PTPRN2: variants seen among roughly 807,000 people sequenced by gnomAD.
PTPRN2 encodes the protein protein tyrosine phosphatase receptor type N2.
A neutral mutation model predicts 118.8 loss-of-function variants in PTPRN2; 74 were observed. The observed-to-expected ratio is 0.62, with a 90% CI of 0.52 to 0.76. The LOEUF is 0.76. Ranked by LOEUF, PTPRN2 falls within the 30% of genes least tolerant of loss-of-function variation. The pLI, the probability that PTPRN2 is intolerant of heterozygous loss-of-function variation, is 0.00. For synonymous variants in PTPRN2, 641 were observed against 608.0 expected (o/e 1.05, Z -0.80); for missense variants, 1,481 against 1,394.4 (o/e 1.06, Z -0.99).
At chr7:158,152,031 G>T (rs973377580) in intron 6 of PTPRN2, among the ~76,000 whole-genome samples, 162 of 152,132 alleles carry the variant, frequency 1.1e-3, no homozygotes, top group African/African-American at 3.5e-3. Flanking sequence ...AAAATTAGCC[G>T]GGCGTGGTGG....
rs1802255244 is a variant in PTPRN2 at position 157,610,304 on chromosome 7, G to A, written c.2345-6229C>T. Among the ~76,000 whole-genome samples, 1 of 152,214 alleles carries A rather than the reference G, an allele frequency of 6.6e-6. No homozygotes were observed. Among genetic ancestry groups the A allele is most frequent in the Non-Finnish European group, 1.5e-5 (1 of 68,046 alleles). ...GGTTCCTTCCACTCAGGGGTCTCAG[G>A]TGTTCTCTCGGGCTCTCCAACTGCC... On this transcript the variant is annotated intron_variant, in intron 15 of 22. Transcript: ENST00000389418. The surrounding 1 kb of genome is among the most constrained non-coding windows in gnomAD (Gnocchi z 5.1).
At chr7:157,688,980 C>T (rs1409719888) in intron 12 of PTPRN2, among the ~76,000 whole-genome samples, 1 of 152,196 alleles carries the variant, frequency 6.6e-6, no homozygotes, top group Non-Finnish European at 1.5e-5. Flanking sequence ...GCGGAGGGTG[C>T]TGCGGCCCAG....
intron 13 of PTPRN2, among the ~76,000 whole-genome samples, chr7:157,664,947 C>G (rs1796064860): frequency 6.6e-6 from 1 of 152,246 alleles, no homozygotes; most frequent in Non-Finnish European, 1.5e-5. Context: ...TCACCCGGAA[C>G]AAAACTCTCC....
Position 157,787,172 on chromosome 7 carries a change from C to T in PTPRN2, c.1789-104235G>A, listed in dbSNP as rs1397472800. The stretch of plus-strand genomic sequence containing the variant: ...AGGCGGACGCGGGTGCGGCGGGGGA[C>T]GCGGGGGTGGCTGCCCGGGACTGGC... On this transcript the variant is annotated intron_variant, in intron 12 of 22. Coordinates refer to ENST00000389418, the MANE Select transcript of PTPRN2 (RefSeq NM_002847.5). The surrounding 1 kb of genome is among the most constrained non-coding windows in gnomAD (Gnocchi z 5.3). Among the ~76,000 whole-genome samples, 7 of 147,352 alleles carry T rather than the reference C, an allele frequency of 4.8e-5. No homozygotes were observed. Among genetic ancestry groups the T allele is most frequent in the Non-Finnish European group, 7.5e-5 (5 of 66,296 alleles).
At chr7:157,718,051 C>G (rs1467229488) in intron 12 of PTPRN2, among the ~76,000 whole-genome samples, 1 of 152,234 alleles carries the variant, frequency 6.6e-6, no homozygotes, top group African/African-American at 2.4e-5. Context: ...CTTCGTTTTT[C>G]TGTGAGTGGT....
chr7:157,655,433 C>G (rs985254229), intron 14 of PTPRN2, among the ~76,000 whole-genome samples: 1 of 152,162 alleles, frequency 6.6e-6, no homozygotes, highest in African/African-American at 2.4e-5. Context: ...TTTTTGTGGT[C>G]CAGATCCACC....
chr7:158,037,844 T>C (rs1808193130), intron 11 of PTPRN2, among the ~76,000 whole-genome samples: 1 of 152,236 alleles, frequency 6.6e-6, no homozygotes, highest in Admixed American at 6.5e-5. Context: ...CAATTCACCT[T>C]GTCAGAAAGA....
intron 2 of PTPRN2, among the ~76,000 whole-genome samples, chr7:158,317,448 G>T (rs1400172284): frequency 6.6e-6 from 1 of 152,222 alleles, no homozygotes; most frequent in East Asian, 1.9e-4. Context: ...GGAGAGGCGC[G>T]GGGCTGGCGA....
intron 12 of PTPRN2, among the ~76,000 whole-genome samples, chr7:157,686,109 G>C (rs1413846200): frequency 6.6e-6 from 1 of 152,224 alleles, no homozygotes; most frequent in Non-Finnish European, 1.5e-5. Context: ...AGGGCGGGAC[G>C]CTGGACAGAG....
At chr7:157,774,801 G>T (rs1255385818) in intron 12 of PTPRN2, among the ~76,000 whole-genome samples, 1 of 152,202 alleles carries the variant, frequency 6.6e-6, no homozygotes, top group Admixed American at 6.5e-5. Flanking sequence ...GGACCAGTCC[G>T]AGTGGGGAGG....
intron 21 of PTPRN2, among the ~76,000 whole-genome samples, chr7:157,552,740 T>TAACCC (rs1798693835): frequency 6.6e-6 from 1 of 152,180 alleles, no homozygotes; most frequent in South Asian, 2.1e-4. Flanking sequence ...CCGACAGACG[T>TAACCC]CGAGTTGTGT....
chr7:157,579,806 G>C (rs1800255066), intron 17 of PTPRN2, among the ~76,000 whole-genome samples: 1 of 152,204 alleles, frequency 6.6e-6, no homozygotes, highest in Non-Finnish European at 1.5e-5. Context: ...AAAGCAGAGA[G>C]GGGAATTTAC....
At chr7:157,658,257 A>G (rs997265627) in intron 13 of PTPRN2, among the ~76,000 whole-genome samples, 3 of 152,148 alleles carry the variant, frequency 2.0e-5, no homozygotes, top group African/African-American at 7.2e-5. Flanking sequence ...CTGCAGAAAA[A>G]AGAAGAACCT....
chr7:157,557,506 C>T (rs1230652078), intron 21 of PTPRN2, among the ~76,000 whole-genome samples: 2 of 149,640 alleles, frequency 1.3e-5, no homozygotes, highest in South Asian at 2.1e-4. Flanking sequence ...CAGGTACACA[C>T]GGCATGCATA....
At chr7:157,649,156 C>A (rs867325823) in intron 14 of PTPRN2, among the ~76,000 whole-genome samples, 4 of 83,580 alleles carry the variant, frequency 4.8e-5, no homozygotes, top group Admixed American at 1.3e-4. Flanking sequence ...ACCCATCCAG[C>A]GTGCACTGAA....
At chr7:157,894,280 G>A (rs1418141081) in intron 12 of PTPRN2, among the ~76,000 whole-genome samples, 1 of 152,246 alleles carries the variant, frequency 6.6e-6, no homozygotes, top group Non-Finnish European at 1.5e-5. Context: ...GCGTGACTGG[G>A]AGCTGCTGCT....
At chr7:158,392,453 T>C (rs151253645) in intron 2 of PTPRN2, among the ~76,000 whole-genome samples, 2,580 of 152,290 alleles carry the variant, frequency 0.017, 44 homozygotes, top group Middle Eastern at 0.037. Flanking sequence ...CAGCGTTGTC[T>C]GGGGAACCAT....
intron 21 of PTPRN2, among the ~76,000 whole-genome samples, chr7:157,558,691 G>A (rs1241348669): frequency 6.6e-6 from 1 of 152,242 alleles, no homozygotes; most frequent in African/African-American, 2.4e-5. Flanking sequence ...AGGCCGCACT[G>A]ACTGCTGGTA....
At chr7:158,047,032 G>A (rs1254305944) in intron 11 of PTPRN2, among the ~76,000 whole-genome samples, 7 of 152,154 alleles carry the variant, frequency 4.6e-5, no homozygotes, top group African/African-American at 1.4e-4. Flanking sequence ...GCCTAAAAAC[G>A]CCCCCGCCCC....
Sources: allele counts gnomAD v4.1 joint callset (sites outside exome capture counted in the v4.1 genomes callset), GRCh38; gene constraint gnomAD v4.1.1; non-coding constraint Gnocchi (gnomAD v3.1); transcripts MANE v1.5; gene names NCBI Gene and HGNC (gene_info 2026-07-23, HGNC 2026-07-21).